The following METTL25 variants were observed in gnomAD, a reference collection of about 807,000 sequenced individuals.
The protein encoded by METTL25 is methyltransferase like 25, also known as probable methyltransferase-like protein 25.
METTL25 carries 64 observed loss-of-function variants against 71.6 expected under a neutral mutation model. The ratio of observed to expected loss-of-function variants is 0.89; its 90% CI spans 0.73 to 1.10. The LOEUF (loss-of-function observed/expected upper bound fraction) is 1.10. METTL25 is among the 50% of genes least tolerant of loss of function. METTL25 has a pLI of 0.00. For synonymous variants in METTL25, 287 were observed against 250.3 expected, an observed-to-expected ratio of 1.15 and a Z score of -1.38; for missense variants, 807 against 707.0, an observed-to-expected ratio of 1.14 and a Z score of -1.60.
intron 5 of METTL25, among the ~76,000 whole-genome samples, chr12:82,410,543 AG>A (rs1464722525): frequency 1.1e-4 from 16 of 152,204 alleles, no homozygotes; most frequent in African/African-American, 3.1e-4. Context: ...GATTTTTCTG[AG>A]TGTTCCTCCT....
At chr12:82,442,855 T>TA (rs1351583745) in intron 8 of METTL25, among the ~76,000 whole-genome samples, 4 of 151,930 alleles carry the variant, frequency 2.6e-5, no homozygotes, top group East Asian at 1.9e-4. Context: ...ACCAAAACAT[T>TA]AAAAAAATCC....
intron 1 of METTL25, among the ~76,000 whole-genome samples, chr12:82,384,156 A>AT (rs764158336): frequency 6.6e-6 from 1 of 152,338 alleles, no homozygotes; most frequent in South Asian, 2.1e-4. Context: ...TAGGCAGCAA[A>AT]TTTAAAGTTT....
intron 5 of METTL25, among the ~76,000 whole-genome samples, chr12:82,409,391 TTGAAG>T (rs1340535831): frequency 6.6e-6 from 1 of 152,184 alleles, no homozygotes; most frequent in Non-Finnish European, 1.5e-5. Context: ...AATAATTAAT[TTGAAG>T]TGTTTACATT....
At chr12:82,419,351 TC>T (rs1377502390) in intron 5 of METTL25, among the ~76,000 whole-genome samples, 7 of 152,088 alleles carry the variant, frequency 4.6e-5, no homozygotes, top group Non-Finnish European at 1.0e-4. Context: ...AATTACTAAC[TC>T]CTGGGCCTTG....
intron 1 of METTL25, among the ~76,000 whole-genome samples, chr12:82,368,139 T>C (rs1356228605): frequency 6.6e-6 from 1 of 152,082 alleles, no homozygotes; most frequent in Non-Finnish European, 1.5e-5. Context: ...CTGATTCTAA[T>C]CCATCTCTAA....
intron 5 of METTL25, among the ~76,000 whole-genome samples, chr12:82,413,600 G>A (rs1887726926): frequency 1.3e-5 from 2 of 152,004 alleles, no homozygotes; most frequent in African/African-American, 4.8e-5. Context: ...GTTAGCTTTT[G>A]TGGATCATCT....
rs1053290060 is a variant in METTL25, at chr12:82,408,034, A to G, written c.1279+4904A>G. 6.4e-6 allele frequency: 5 copies of G among 784,678 alleles called. No individual in the cohort carries two copies. In the East Asian group the frequency reaches 5.1e-4, roughly 80 times the overall value. 48.6% of individuals were successfully genotyped at this position (784,678 alleles called of 1,614,324 possible). A position where few individuals can be genotyped will look rare whatever the true frequency, so the allele number is the denominator to read the frequency against. The stretch of plus-strand genomic sequence containing the variant: ...GAGTCGAATTTGACACTTTTAGTGT[A>G]TAGATGCCTGGACCTGCCTCTTACC... On this transcript the variant is annotated intron_variant, in intron 5 of 11. Transcript: ENST00000248306.
At chr12:82,369,018 C>G (rs961678488) in intron 1 of METTL25, among the ~76,000 whole-genome samples, 5 of 152,168 alleles carry the variant, frequency 3.3e-5, no homozygotes, top group African/African-American at 1.2e-4. Flanking sequence ...TCCCTCTACC[C>G]TTAAACTGTA....
chr12:82,465,637 C>T (rs756000243), intron 9 of METTL25, among the ~76,000 whole-genome samples: 1 of 151,966 alleles, frequency 6.6e-6, no homozygotes, highest in Non-Finnish European at 1.5e-5. Flanking sequence ...AGTAAGAATT[C>T]CCTACACTTT....
chr12:82,440,974 C>G, intron 8 of METTL25, among the ~76,000 whole-genome samples: 1 of 151,940 alleles, frequency 6.6e-6, no homozygotes, highest in South Asian at 2.1e-4. Context: ...CAACTGTCCA[C>G]CCATCAACAG....
chr12:82,461,012 G>A (rs111625638), intron 9 of METTL25, among the ~76,000 whole-genome samples: 9,455 of 151,798 alleles, frequency 0.062, 386 homozygotes, highest in Non-Finnish European at 0.088. Flanking sequence ...GCATGGTGGC[G>A]GGCGCCTGTG....
At chr12:82,414,183 G>A (rs1169184659) in intron 5 of METTL25, among the ~76,000 whole-genome samples, 1 of 152,026 alleles carries the variant, frequency 6.6e-6, no homozygotes, top group East Asian at 1.9e-4. Flanking sequence ...CTGTTTATAA[G>A]CTTTTGTTAC....
chr12:82,432,574 TTAAAA>T (rs1355264198), intron 6 of METTL25, among the ~76,000 whole-genome samples: 3 of 151,824 alleles, frequency 2.0e-5, no homozygotes, highest in East Asian at 1.9e-4. Context: ...ATTATTTCTA[TTAAAA>T]TAAACATTCA....
intron 2 of METTL25, among the ~76,000 whole-genome samples, chr12:82,389,110 A>G (rs1004226192): frequency 2.0e-5 from 3 of 152,134 alleles, no homozygotes; most frequent in South Asian, 4.1e-4. Context: ...CTACCTTGTC[A>G]TATGCTTTTT....
intron 8 of METTL25, among the ~76,000 whole-genome samples, chr12:82,446,508 CAA>C (rs35655160): frequency 0.85 from 128,643 of 151,784 alleles, 54,898 homozygotes; most frequent in East Asian, 1. Flanking sequence ...AAATCAATAA[CAA>C]GAGAACCTTT....
chr12:82,442,631 G>T (rs1361483052), intron 8 of METTL25, among the ~76,000 whole-genome samples: 1 of 152,118 alleles, frequency 6.6e-6, no homozygotes, highest in Non-Finnish European at 1.5e-5. Flanking sequence ...AGTGATCCTT[G>T]TGGTGATGGA....
At position 82,420,371 on chromosome 12, in the gene METTL25, G is replaced by T. The variant is rs187752112; in HGVS notation, c.1280-10522G>T. ...TTTACTACAAATGGAGAAAAAAACA[G>T]GGAGGAGACAACTTTTAAAGGTAAT... On this transcript the variant is annotated intron_variant, in intron 5 of 11. Transcript: ENST00000248306. Among the ~76,000 whole-genome samples the T allele has an allele frequency of 2.1e-3, 321 of 152,200 alleles. 1 individual carries two copies. Among genetic ancestry groups the T allele is most frequent in the African/African-American group, 7.1e-3 (295 of 41,546 alleles).
intron 1 of METTL25, among the ~76,000 whole-genome samples, chr12:82,365,852 G>A (rs925737418): frequency 2.0e-5 from 3 of 152,098 alleles, no homozygotes; most frequent in African/African-American, 4.8e-5. Context: ...GGAGGCCGAG[G>A]CGGGGGGATC....
chr12:82,380,797 A>T (rs1339457097), intron 1 of METTL25, among the ~76,000 whole-genome samples: 1 of 152,240 alleles, frequency 6.6e-6, no homozygotes. Flanking sequence ...GCTTTAAAAA[A>T]TTAATAAAGA....
Sources: allele counts gnomAD v4.1 joint callset (sites outside exome capture counted in the v4.1 genomes callset), GRCh38; gene constraint gnomAD v4.1.1; transcripts MANE v1.5; gene names NCBI Gene and HGNC (gene_info 2026-07-23, HGNC 2026-07-21).